The following AKR1C8 variants were observed in gnomAD, a reference collection of about 807,000 sequenced individuals.
AKR1C8 encodes the protein aldo-keto reductase family 1 member C8, also known as aldo-keto reductase family 1 member C-like protein 1.
At chr10:5,118,939 TA>T in the AKR1C8 span, among the ~76,000 whole-genome samples, 128,896 of 150,014 alleles carry the variant, frequency 0.86, 55,447 homozygotes, top group Middle Eastern at 0.93. Flanking sequence ...TAAATTTCTT[TA>T]AAAAAAAAAA....
At chr10:5,116,209 C>T in the AKR1C8 span, among the ~76,000 whole-genome samples, 1 of 152,020 alleles carries the variant, frequency 6.6e-6, no homozygotes, top group Non-Finnish European at 1.5e-5. Context: ...GGTCAATCAC[C>T]CCAGCCAACA....
the AKR1C8 span, among the ~76,000 whole-genome samples, chr10:5,177,966 T>A: frequency 6.6e-6 from 1 of 152,234 alleles, no homozygotes; most frequent in South Asian, 2.1e-4. Context: ...GGGTTTTTTG[T>A]GTCTCTATTT....
the AKR1C8 span, among the ~76,000 whole-genome samples, chr10:5,152,110 G>A: frequency 6.6e-5 from 10 of 152,232 alleles, 1 homozygote; most frequent in South Asian, 1.0e-3. Flanking sequence ...TGAATTCTAG[G>A]ATAAAGAGTG....
the AKR1C8 span, among the ~76,000 whole-genome samples, chr10:5,148,295 G>C: frequency 6.6e-6 from 1 of 152,098 alleles, no homozygotes; most frequent in Non-Finnish European, 1.5e-5. Context: ...AAGAAGTGGG[G>C]AGGAGAGATG....
chr10:5,173,800 A>G, the AKR1C8 span, among the ~76,000 whole-genome samples: 73 of 151,850 alleles, frequency 4.8e-4, no homozygotes, highest in Non-Finnish European at 9.6e-4. Flanking sequence ...TGATATTGAA[A>G]CTATAGGTAT....
At chr10:5,138,507 T>C in the AKR1C8 span, among the ~76,000 whole-genome samples, 1 of 152,154 alleles carries the variant, frequency 6.6e-6, no homozygotes, top group Non-Finnish European at 1.5e-5. Flanking sequence ...ACTGATTTCA[T>C]ATTGTTCAAA....
the AKR1C8 span, among the ~76,000 whole-genome samples, chr10:5,162,233 C>T: frequency 8.5e-5 from 13 of 152,118 alleles, no homozygotes; most frequent in Non-Finnish European, 1.6e-4. Context: ...TCAACTTCAA[C>T]GTATCAAGGA....
At chr10:5,132,612 T>C in the AKR1C8 span, 1 of 1,579,538 alleles carries the variant, frequency 6.3e-7, no homozygotes, top group Non-Finnish European at 8.7e-7. Context: ...CTTTGAAGTG[T>C]AGAATATGTC....
the AKR1C8 span, among the ~76,000 whole-genome samples, chr10:5,169,205 C>T: frequency 6.6e-6 from 1 of 152,304 alleles, no homozygotes; most frequent in Non-Finnish European, 1.5e-5. Context: ...CCTTGAAATG[C>T]ATGAGGCTAG....
the AKR1C8 span, among the ~76,000 whole-genome samples, chr10:5,120,343 CTGTG>C: frequency 1.3e-5 from 2 of 149,200 alleles, no homozygotes; most frequent in Non-Finnish European, 3.0e-5. Context: ...CTCTATATTT[CTGTG>C]TGTGTGTCTT....
At chr10:5,157,885 G>C in the AKR1C8 span, 7 of 387,172 alleles carry the variant, frequency 1.8e-5, no homozygotes, top group South Asian at 6.0e-5. Flanking sequence ...AAATTCTCCA[G>C]AGAGTTGAGA....
the AKR1C8 span, among the ~76,000 whole-genome samples, chr10:5,142,356 A>G: frequency 6.6e-6 from 1 of 152,096 alleles, no homozygotes; most frequent in South Asian, 2.1e-4. Context: ...TTTCGTATTC[A>G]CTGGAGTAGC....
the AKR1C8 span, chr10:5,132,805 A>G: frequency 2.1e-6 from 2 of 947,672 alleles, no homozygotes; most frequent in South Asian, 1.7e-5. Flanking sequence ...TTGGTGATCA[A>G]TGTGCTCAAC....
chr10:5,162,672 C>A, the AKR1C8 span, among the ~76,000 whole-genome samples: 1 of 152,140 alleles, frequency 6.6e-6, no homozygotes, highest in Non-Finnish European at 1.5e-5. Context: ...CTCAGAGACA[C>A]TGAAGAATTG....
chr10:5,132,761 C>T, the AKR1C8 span: 7 of 1,397,618 alleles, frequency 5.0e-6, no homozygotes, highest in Non-Finnish European at 4.0e-6. Context: ...CAACTCTATT[C>T]CTAGGAACCC....
the AKR1C8 span, among the ~76,000 whole-genome samples, chr10:5,158,941 A>G: frequency 6.6e-6 from 1 of 152,140 alleles, no homozygotes; most frequent in Non-Finnish European, 1.5e-5. Context: ...TTATTAAAAT[A>G]CCTTGTGCCC....
At chr10:5,169,621 C>G in the AKR1C8 span, among the ~76,000 whole-genome samples, 3 of 150,586 alleles carry the variant, frequency 2.0e-5, no homozygotes, top group African/African-American at 7.3e-5. Flanking sequence ...ACTGTTATTC[C>G]TGTTATGAGG....
the AKR1C8 span, among the ~76,000 whole-genome samples, chr10:5,171,363 ATT>A: frequency 6.6e-6 from 1 of 152,084 alleles, no homozygotes; most frequent in East Asian, 1.9e-4. Context: ...TAACATAACA[ATT>A]ATAATTATTA....
At chr10:5,160,827 A>G in the AKR1C8 span, 1 of 471,116 alleles carries the variant, frequency 2.1e-6, no homozygotes, top group Non-Finnish European at 4.4e-6. Context: ...AAGTGTCACA[A>G]AGCTCCACAG....
Sources: allele counts gnomAD v4.1 joint callset (sites outside exome capture counted in the v4.1 genomes callset), GRCh38; gene constraint gnomAD v4.1.1; transcripts MANE v1.5; gene names NCBI Gene and HGNC (gene_info 2026-07-23, HGNC 2026-07-21).